Variants in ZFAND4 observed in about 807,000 individuals in gnomAD.
ZFAND4 encodes AN1-type zinc finger protein 4.
Under a neutral mutation model 64.4 loss-of-function variants are expected in ZFAND4, and 43 were observed. The ratio of observed to expected loss-of-function variants is 0.67; its 90% CI spans 0.52 to 0.86. The LOEUF (loss-of-function observed/expected upper bound fraction) is 0.86, where lower values mean the gene tolerates loss of function less well. ZFAND4 is among the 40% of genes least tolerant of loss of function. The probability of loss-of-function intolerance (pLI) is 0.00; values close to 1 mark genes in which losing one functional copy is unlikely to be tolerated. For synonymous variants in ZFAND4, 296 were observed against 305.7 expected (o/e 0.97, Z 0.33); for missense variants, 929 against 859.8 (o/e 1.08, Z -1.01).
At chr10:45,640,244 A>G in intron 5 of ZFAND4, 1 of 1,217,822 alleles carries the variant, frequency 8.2e-7, no homozygotes, top group Non-Finnish European at 1.0e-6. Context: ...CACCTGCCAT[A>G]TCATTCCCAA....
intron 1 of ZFAND4, among the ~76,000 whole-genome samples, chr10:45,671,804 A>G (rs2049215667): frequency 6.6e-6 from 1 of 151,674 alleles, no homozygotes; most frequent in Non-Finnish European, 1.5e-5. Flanking sequence ...CACGTTGTGC[A>G]CATGTACCCT....
intron 9 of ZFAND4, 61 bp downstream of exon 9, chr10:45,618,079 T>C (rs2045132780): frequency 5.2e-6 from 8 of 1,549,248 alleles, no homozygotes; most frequent in Non-Finnish European, 6.9e-6. Context: ...TTATTTTGCA[T>C]AATCCCCAAG....
At chr10:45,617,399 G>A (rs558780709) in intron 9 of ZFAND4, among the ~76,000 whole-genome samples, 9 of 152,166 alleles carry the variant, frequency 5.9e-5, no homozygotes, top group African/African-American at 1.7e-4. Context: ...AGGCAAAGGT[G>A]AGAAGATCAC....
chr10:45,662,511 C>G (rs2048547083), intron 2 of ZFAND4: 1 of 803,014 alleles, frequency 1.2e-6, no homozygotes, highest in South Asian at 5.7e-5. Flanking sequence ...AAAAGGTATC[C>G]TTTAAACTAT....
chr10:45,655,745 A>G (rs953179693), intron 2 of ZFAND4, among the ~76,000 whole-genome samples: 1 of 152,262 alleles, frequency 6.6e-6, no homozygotes, highest in Non-Finnish European at 1.5e-5. Context: ...TTATGCACAT[A>G]AACTAGAAAA....
Position 45,663,525 on chromosome 10 carries a change from C to G in ZFAND4, c.184+17G>C, listed in dbSNP as rs1564632760. The stretch of plus-strand genomic sequence containing the variant: ...AAATTTAATTTTCATATCCTAAAAA[C>G]AAAGAAAGATGAGTACCTTCCAATC... On this transcript the variant is annotated intron_variant, in intron 2 of 9. Transcript: ENST00000344646. 1 of 1,552,580 alleles carries G rather than the reference C, an allele frequency of 6.4e-7. No homozygotes were observed. Among genetic ancestry groups the G allele is most frequent in the African/African-American group, 1.4e-5 (1 of 71,586 alleles).
chr10:45,667,288 G>A (rs79826685), intron 1 of ZFAND4, among the ~76,000 whole-genome samples: 3,562 of 151,984 alleles, frequency 0.023, 137 homozygotes, highest in African/African-American at 0.08. Context: ...AAACACAACC[G>A]ATTTTAATAT....
At chr10:45,618,317 A>G in intron 8 of ZFAND4, 57 bp from the exon 9 acceptor site, 1 of 1,581,718 alleles carries the variant, frequency 6.3e-7, no homozygotes, top group African/African-American at 1.4e-5. Flanking sequence ...AACATGAAAT[A>G]TTATTAAGCA....
At chr10:45,638,432 T>C (rs1371415876) in intron 6 of ZFAND4, among the ~76,000 whole-genome samples, 1 of 151,090 alleles carries the variant, frequency 6.6e-6, no homozygotes, top group African/African-American at 2.4e-5. Context: ...AGGCAGAGCT[T>C]GCAGTGAGCC....
intron 1 of ZFAND4, among the ~76,000 whole-genome samples, chr10:45,665,062 T>C (rs979515903): frequency 6.6e-6 from 1 of 152,190 alleles, no homozygotes; most frequent in East Asian, 1.9e-4. Context: ...GGCTAATAAG[T>C]ATGAGTGGTA....
chr10:45,668,797 T>C (rs867967489), intron 1 of ZFAND4, among the ~76,000 whole-genome samples: 3 of 152,242 alleles, frequency 2.0e-5, no homozygotes, highest in Admixed American at 6.5e-5. Flanking sequence ...CCTGAATGAC[T>C]ACTGGGTAAA....
Position 45,616,498 on chromosome 10 carries a change from C to A in ZFAND4, c.2122G>T (p.Gly708Trp), listed in dbSNP as rs1027350496. Residue 708 changes from glycine to tryptophan, a missense_variant, in exon 10 of 10, where the codon GGG becomes TGG. Gly to Trp is a radical substitution (Grantham distance 184). Coordinates refer to ENST00000344646, the MANE Select transcript of ZFAND4 (RefSeq NM_174890.4). ...TTTGCCTCGTGCAAGTATCTCCTCC[C>A]TGCACTCTTGTAATCATAGGTACAG... ...HGCTYDYKSA[G>W]RRYLHEANPV... 1.9e-6 allele frequency: 3 copies of A among 1,614,068 alleles called. No homozygotes were observed. The highest frequency in any genetic ancestry group is 2.5e-6 in the Non-Finnish European group (3 of 1,180,036).
intron 8 of ZFAND4, among the ~76,000 whole-genome samples, chr10:45,624,118 A>C (rs1418002175): frequency 1.3e-5 from 2 of 152,190 alleles, no homozygotes; most frequent in African/African-American, 4.8e-5. Flanking sequence ...ACTTCCACTA[A>C]TAGGCCTTGG....
chr10:45,627,015 T>C lies in ZFAND4; in HGVS notation c.808A>G (p.Arg270Gly). The stretch of plus-strand genomic sequence containing the variant: ...GATTGACCAATGTTGGGGAGGACCC[T>C]TAACAATCGGTGGCGAGATGGTGCA... ...STAPSRHRLL[R>G]VLPNIGQSCS... Residue 270 changes from arginine to glycine, a missense_variant, in exon 7 of 10, where the codon AGG (arginine) becomes GGG (glycine). Physicochemically the swap from Arg to Gly is moderately radical, Grantham distance 125 (BLOSUM62 -2). Transcript: ENST00000344646. 1 of 1,610,318 alleles carries C rather than the reference T, an allele frequency of 6.2e-7. No homozygotes were observed. Among genetic ancestry groups the C allele is most frequent in the Non-Finnish European group, 8.5e-7 (1 of 1,177,530 alleles).
At chr10:45,667,458 C>CTTTTTT (rs60572011) in intron 1 of ZFAND4, among the ~76,000 whole-genome samples, 2 of 90,656 alleles carry the variant, frequency 2.2e-5, no homozygotes, top group African/African-American at 4.3e-5. Context: ...TCTTTTCTTT[C>CTTTTTT]TTTTTTTTTT....
chr10:45,661,239 CAG>C (rs2048452466), intron 2 of ZFAND4, among the ~76,000 whole-genome samples: 1 of 152,144 alleles, frequency 6.6e-6, no homozygotes, highest in Admixed American at 6.6e-5. Flanking sequence ...AACTAAGATA[CAG>C]AGAGATTAAG....
intron 2 of ZFAND4, among the ~76,000 whole-genome samples, chr10:45,656,954 G>A (rs913947843): frequency 6.6e-6 from 1 of 151,628 alleles, no homozygotes; most frequent in Non-Finnish European, 1.5e-5. Flanking sequence ...AGAACCGTGA[G>A]AAATAAACTT....
chr10:45,622,586 C>G (rs1371433794), intron 8 of ZFAND4, among the ~76,000 whole-genome samples: 1 of 152,212 alleles, frequency 6.6e-6, no homozygotes, highest in Non-Finnish European at 1.5e-5. Flanking sequence ...GTCAAAAGAG[C>G]AGTGGTTCCA....
rs1023839762 is a variant in ZFAND4, at chr10:45,635,201, AAAAAAAAAAAAACAAAAAAAAAACAAAC to A, written c.717+4587_717+4614del. Among the ~76,000 whole-genome samples the A allele has an allele frequency of 8.3e-5, 12 of 145,448 alleles. No individual in the cohort carries two copies. The South Asian group carries it at 1.5e-3, about 18-fold the overall frequency. Reference sequence around the variant, plus strand: ...ATAGTCAAAGCCATCTAAGCAAAAAAAAAAAAAAAAAACAAAAAAAAAACAAACAAAAAAAAACTGGAAGAATCACAAT... The same window carrying A: ...ATAGTCAAAGCCATCTAAGCAAAAAAAAAAAAAAACTGGAAGAATCACAAT... On this transcript the variant is annotated intron_variant, in intron 6 of 9. Coordinates refer to ENST00000344646, the MANE Select transcript of ZFAND4 (RefSeq NM_174890.4).
Sources: allele counts gnomAD v4.1 joint callset (sites outside exome capture counted in the v4.1 genomes callset), GRCh38; gene constraint gnomAD v4.1.1; transcripts MANE v1.5; gene names NCBI Gene and HGNC (gene_info 2026-07-23, HGNC 2026-07-21).